HMGB1: variants seen among roughly 807,000 people sequenced by gnomAD.
HMGB1 encodes the protein high mobility group protein B1.
For missense variants in HMGB1, 79 were observed against 253.5 expected (o/e 0.31, Z 4.67); for synonymous variants, 81 against 84.0 (o/e 0.96, Z 0.19).
chr13:30,519,429 T>C (rs7337500), intron 1 of HMGB1, among the ~76,000 whole-genome samples: 24,803 of 140,590 alleles, frequency 0.18, 2,164 homozygotes, highest in Middle Eastern at 0.27. Flanking sequence ...GGCGCGGTGG[T>C]TCACGCCTGT....
At chr13:30,473,675 G>A (rs772185714) in intron 1 of HMGB1, among the ~76,000 whole-genome samples, 1 of 152,204 alleles carries the variant, frequency 6.6e-6, no homozygotes, top group Non-Finnish European at 1.5e-5. Flanking sequence ...ACGGGCAGGT[G>A]TTTTGGAAAA....
At chr13:30,464,709 G>GCGCCGCCGCCGC (rs201189183) in intron 1 of HMGB1, 85 of 754,572 alleles carry the variant, frequency 1.1e-4, no homozygotes, top group East Asian at 5.5e-4. Context: ...TTCTCCGCCT[G>GCGCCGCCGCCGC]CGCCGCCGCC....
intron 1 of HMGB1, among the ~76,000 whole-genome samples, chr13:30,536,899 C>G (rs544224874): frequency 3.9e-5 from 6 of 152,306 alleles, no homozygotes; most frequent in Admixed American, 3.9e-4. Context: ...CGATCCTGCT[C>G]CACAGGGCCT....
chr13:30,536,999 T>C (rs1868469645), intron 1 of HMGB1, among the ~76,000 whole-genome samples: 1 of 152,222 alleles, frequency 6.6e-6, no homozygotes, highest in African/African-American at 2.4e-5. Flanking sequence ...ATGGGTCCTC[T>C]GTCTTCCCTG....
intron 1 of HMGB1, among the ~76,000 whole-genome samples, chr13:30,524,658 G>C (rs1323760869): frequency 1.3e-5 from 2 of 151,568 alleles, no homozygotes; most frequent in Non-Finnish European, 2.9e-5. Flanking sequence ...ACTCCAGCCT[G>C]GGTGACAAGA....
At chr13:30,615,138 T>C (rs1227768051) in intron 1 of HMGB1, among the ~76,000 whole-genome samples, 1 of 152,210 alleles carries the variant, frequency 6.6e-6, no homozygotes, top group Non-Finnish European at 1.5e-5. Context: ...ACCTCTATCA[T>C]TGCATGTATA....
At chr13:30,492,344 T>G (rs973005652) in intron 1 of HMGB1, among the ~76,000 whole-genome samples, 10 of 147,456 alleles carry the variant, frequency 6.8e-5, no homozygotes, top group African/African-American at 2.3e-4. Context: ...ATTCATACAT[T>G]AAAAAAAAAT....
chr13:30,466,319 T>G (rs2137413752), upstream of HMGB1, among the ~76,000 whole-genome samples: 2 of 142,942 alleles, frequency 1.4e-5, no homozygotes, highest in East Asian at 2.2e-4. Context: ...TTGCCCCACA[T>G]TCACGCCCAA....
At chr13:30,544,720 G>A (rs1437022674) in intron 1 of HMGB1, among the ~76,000 whole-genome samples, 1 of 152,198 alleles carries the variant, frequency 6.6e-6, no homozygotes, top group Non-Finnish European at 1.5e-5. Context: ...ATGTTTTCCT[G>A]AGCTCTGTAA....
At position 30,614,793 on chromosome 13, in the gene HMGB1, G is replaced by C. The variant is rs116683785; in HGVS notation, c.-15+1878C>G. Among the ~76,000 whole-genome samples, 1,301 of 152,080 alleles carry C rather than the reference G, an allele frequency of 8.6e-3. 20 individuals are homozygous for C. The highest frequency in any genetic ancestry group is 0.029 in the African/African-American group (1,209 of 41,454). On this transcript the variant is annotated intron_variant, in intron 1 of 4. Coordinates refer to the HMGB1 transcript ENST00000405805. ...CTCATTGCAATCTCTGACCCCCGGG[G>C]TTCAAGCAATTCTCCCTGCCTTAGC...
chr13:30,559,436 AC>A lies in HMGB1; in HGVS notation c.-15+57234del, dbSNP rs1217441899. Among the ~76,000 whole-genome samples the A allele has an allele frequency of 6.6e-6, 1 of 152,182 alleles. No individual in the cohort carries two copies. The highest frequency in any genetic ancestry group is 2.4e-5 in the African/African-American group (1 of 41,438). On this transcript the variant is annotated intron_variant, in intron 1 of 4. Transcript: ENST00000405805. The surrounding 1 kb of genome is among the most constrained non-coding windows in gnomAD (Gnocchi z 6.6). The stretch of plus-strand genomic sequence containing the variant: ...CTTCCTTGGGCAGTGAATTTAAATA[AC>A]CTGTCAAAAGAATGAAGTGATGGAA...
chr13:30,561,156 A>T (rs1593313139), intron 1 of HMGB1, among the ~76,000 whole-genome samples: 1 of 95,014 alleles, frequency 1.1e-5, no homozygotes, highest in Non-Finnish European at 1.8e-5. Flanking sequence ...CACATTTGGT[A>T]AAAAAAAGTA....
At chr13:30,477,559 G>C (rs1034915243) in intron 1 of HMGB1, among the ~76,000 whole-genome samples, 85 of 152,330 alleles carry the variant, frequency 5.6e-4, no homozygotes, top group Middle Eastern at 6.8e-3. Flanking sequence ...CCAGAGAAAG[G>C]CTCTGAAGAC....
Position 30,463,571 on chromosome 13 carries a change from T to C in HMGB1, c.110A>G (p.Asn37Ser), listed in dbSNP as rs1484234284. 1.2e-6 allele frequency: 2 copies of C among 1,612,030 alleles called. No individual in the cohort carries two copies. The highest frequency in any genetic ancestry group is 1.7e-6 in the Non-Finnish European group (2 of 1,179,478). ...GCACTTCTTAGAAAACTCTGAGAAG[T>C]TGACTGAAGCATCTGGGTGCTTCTT... The part of the protein sequence containing the change: ...HKKKHPDASV[N>S]FSEFSKKCSE... Residue 37 changes from asparagine to serine, a missense_variant, in exon 2 of 5, where the codon AAC (asparagine) becomes AGC (serine). Physicochemically the swap from Asn to Ser is conservative, Grantham distance 46 (BLOSUM62 1). Coordinates refer to ENST00000341423, the MANE Select transcript of HMGB1 (RefSeq NM_002128.7).
At chr13:30,480,660 C>A (rs1033277319) in intron 1 of HMGB1, among the ~76,000 whole-genome samples, 11 of 152,232 alleles carry the variant, frequency 7.2e-5, no homozygotes, top group African/African-American at 2.6e-4. Flanking sequence ...TCAGTGAGGA[C>A]CTGCTCCCTT....
chr13:30,495,414 C>G (rs939987764), intron 1 of HMGB1, among the ~76,000 whole-genome samples: 2 of 152,118 alleles, frequency 1.3e-5, no homozygotes, highest in African/African-American at 4.8e-5. Flanking sequence ...CCTGGTCACT[C>G]CCTCCCATTG....
intron 1 of HMGB1, among the ~76,000 whole-genome samples, chr13:30,465,401 A>C (rs1353517246): frequency 7.5e-6 from 1 of 134,072 alleles, no homozygotes; most frequent in African/African-American, 2.8e-5. Flanking sequence ...GCCGCCGCCG[A>C]GCCGCGCCGG....
chr13:30,614,501 T>C lies in HMGB1; in HGVS notation c.-15+2170A>G, dbSNP rs577311764. 3.3e-4 allele frequency among the ~76,000 whole-genome samples: 50 copies of C among 152,304 alleles called. 1 individual carries two copies. The South Asian group carries it at 5.8e-3, about 18-fold the overall frequency. On this transcript the variant is annotated intron_variant, in intron 1 of 4. Transcript: ENST00000405805. ...AGGTCACACAGCAGAAGAGATGGGATTAGATGCTAGATATTCCAATATCAA... is the reference window on the plus strand; with the variant it reads ...AGGTCACACAGCAGAAGAGATGGGACTAGATGCTAGATATTCCAATATCAA...
rs572599019 is a variant in HMGB1 at position 30,573,893 on chromosome 13, A to G, written c.-15+42778T>C. ...GATCTGGAACTCCTGGTCTCAAGTG[A>G]TCTACCCAACTCAGCCTCCCAAAGT... On this transcript the variant is annotated intron_variant, in intron 1 of 4. Transcript: ENST00000405805. 7.2e-4 allele frequency among the ~76,000 whole-genome samples: 109 copies of G among 152,252 alleles called. 1 individual carries two copies. Among genetic ancestry groups the G allele is most frequent in the Non-Finnish European group, 1.4e-3 (93 of 68,016 alleles).
Sources: gnomAD v4.1 joint callset for allele counts (sites outside exome capture counted in the v4.1 genomes callset) on GRCh38, gnomAD v4.1.1 for gene constraint, Gnocchi (gnomAD v3.1) non-coding constraint, MANE v1.5 for transcripts, NCBI Gene and HGNC (gene_info 2026-07-23, HGNC 2026-07-21) for gene names.